Variants in SGCZ observed in about 807,000 individuals in gnomAD.
SGCZ encodes zeta-sarcoglycan.
In SGCZ, 40 loss-of-function variants were observed where a neutral mutation model predicts 41.3. That is an observed-to-expected ratio of 0.97 (90% CI 0.75 to 1.26). The LOEUF is 1.26. Among genes scored for constraint, SGCZ ranks in the 50% most tolerant of loss-of-function variants. SGCZ has a pLI of 0.00. For synonymous variants in SGCZ, 206 were observed against 137.5 expected (o/e 1.50, Z -3.49); for missense variants, 552 against 369.8 (o/e 1.49, Z -4.04).
chr8:14,362,222 T>C (rs1053292840), intron 2 of SGCZ, among the ~76,000 whole-genome samples: 2 of 152,206 alleles, frequency 1.3e-5, no homozygotes, highest in Non-Finnish European at 2.9e-5. Context: ...TCCTCAGAGC[T>C]GTCAGGCAGG....
chr8:14,683,183 TA>T (rs1478975823), intron 1 of SGCZ, among the ~76,000 whole-genome samples: 2 of 152,132 alleles, frequency 1.3e-5, no homozygotes, highest in African/African-American at 4.8e-5. Context: ...AAAATATGCC[TA>T]AATACTAATA....
chr8:14,282,847 CTT>C (rs1168778028), intron 3 of SGCZ, among the ~76,000 whole-genome samples: 2,745 of 89,842 alleles, frequency 0.031, 54 homozygotes, highest in African/African-American at 0.12. Context: ...CTTTCAAATA[CTT>C]TTTTTTTTTT....
chr8:14,523,026 C>G (rs1802836371), intron 2 of SGCZ, among the ~76,000 whole-genome samples: 1 of 152,032 alleles, frequency 6.6e-6, no homozygotes, highest in Non-Finnish European at 1.5e-5. Flanking sequence ...TTACCACATT[C>G]TACTACTGTC....
chr8:15,035,820 C>A (rs1355507850), intron 1 of SGCZ, among the ~76,000 whole-genome samples: 1 of 151,944 alleles, frequency 6.6e-6, no homozygotes, highest in Non-Finnish European at 1.5e-5. Flanking sequence ...AATATTGGAG[C>A]ACCTAAATAT....
chr8:14,500,891 C>G (rs1326037011), intron 2 of SGCZ, among the ~76,000 whole-genome samples: 3 of 151,696 alleles, frequency 2.0e-5, no homozygotes, highest in African/African-American at 4.8e-5. Context: ...AGGAAAAAAA[C>G]ACATATTTAA....
rs752574464 is a variant in SGCZ at position 14,102,423 on chromosome 8, T to C, written c.697A>G (p.Lys233Glu). 3.9e-6 allele frequency: 6 copies of C among 1,533,538 alleles called. No homozygotes were observed. The African/African-American group carries it at 8.3e-5, about 21-fold the overall frequency. The allele number at this position is 1,533,538 out of a possible 1,614,324, so 95.0% of individuals were successfully genotyped here. ...TGGAGCTCCTTCCTGCAGGTGGCCTTGAAGTCTCCTGCAGCAGCACTCACC... is the reference window on the plus strand; with the variant it reads ...TGGAGCTCCTTCCTGCAGGTGGCCTCGAAGTCTCCTGCAGCAGCACTCACC... ...VQVSAAAGDF[K>E]ATCRKELHLQ... Residue 233 changes from lysine to glutamate, a missense_variant, in exon 7 of 8, where the codon AAG (lysine) becomes GAG (glutamate). By Grantham distance (56) the Lys-to-Glu change is moderately conservative. Coordinates refer to ENST00000382080, the MANE Select transcript of SGCZ (RefSeq NM_139167.4).
intron 1 of SGCZ, among the ~76,000 whole-genome samples, chr8:14,599,136 C>T (rs1054896381): frequency 5.3e-5 from 8 of 152,166 alleles, no homozygotes; most frequent in African/African-American, 1.9e-4. Flanking sequence ...CTCCGTACAT[C>T]AATTTCAGAC....
At chr8:15,060,436 G>T (rs574355931) in intron 1 of SGCZ, among the ~76,000 whole-genome samples, 1 of 144,318 alleles carries the variant, frequency 6.9e-6, no homozygotes, top group Non-Finnish European at 1.5e-5. Flanking sequence ...ACCAAACACC[G>T]CACGTTCTCA....
chr8:15,028,471 G>T (rs73205408), intron 1 of SGCZ, among the ~76,000 whole-genome samples: 1,950 of 112,902 alleles, frequency 0.017, 25 homozygotes, highest in South Asian at 0.046. Flanking sequence ...GAACACCATC[G>T]TCTAAGTTGA....
chr8:14,214,853 T>C (rs572386470), intron 4 of SGCZ, among the ~76,000 whole-genome samples: 1 of 152,172 alleles, frequency 6.6e-6, no homozygotes, highest in South Asian at 2.1e-4. Flanking sequence ...ATAACAAATC[T>C]TCACAATATA....
chr8:14,712,300 G>A (rs1019964607), intron 1 of SGCZ, among the ~76,000 whole-genome samples: 2 of 152,196 alleles, frequency 1.3e-5, no homozygotes, highest in Non-Finnish European at 2.9e-5. Flanking sequence ...CCTGGTTGAT[G>A]AAATGCTGTC....
chr8:14,761,531 A>ATTT (rs1293472620), intron 1 of SGCZ, among the ~76,000 whole-genome samples: 2 of 139,584 alleles, frequency 1.4e-5, no homozygotes, highest in Non-Finnish European at 3.1e-5. Context: ...TTATTTATTT[A>ATTT]TTTATTTATT....
intron 1 of SGCZ, among the ~76,000 whole-genome samples, chr8:14,985,860 C>A (rs1230061550): frequency 6.6e-6 from 1 of 152,218 alleles, no homozygotes; most frequent in Admixed American, 6.5e-5. Flanking sequence ...AGTCAAAAGG[C>A]AAATGCCTTG....
intron 4 of SGCZ, among the ~76,000 whole-genome samples, chr8:14,180,189 A>G (rs1331732845): frequency 6.6e-6 from 1 of 152,176 alleles, no homozygotes; most frequent in East Asian, 1.9e-4. Context: ...AGTCTGTCAC[A>G]ATAAAAATCC....
intron 2 of SGCZ, among the ~76,000 whole-genome samples, chr8:14,435,179 G>T (rs543390086): frequency 6.6e-5 from 10 of 152,206 alleles, no homozygotes; most frequent in African/African-American, 2.4e-4. Context: ...CACCGATATG[G>T]ATTCTCAGGC....
At chr8:14,829,873 G>A (rs188878066) in intron 1 of SGCZ, among the ~76,000 whole-genome samples, 67 of 152,138 alleles carry the variant, frequency 4.4e-4, no homozygotes, top group African/African-American at 1.4e-3. Flanking sequence ...GTGCAGTGGC[G>A]CGATCTCGGC....
At chr8:14,587,542 T>C (rs1805100776) in intron 1 of SGCZ, among the ~76,000 whole-genome samples, 2 of 152,146 alleles carry the variant, frequency 1.3e-5, no homozygotes, top group South Asian at 4.1e-4. Context: ...ACAACTTGTT[T>C]ATATATTGTT....
At chr8:14,799,281 A>C (rs1432160957) in intron 1 of SGCZ, among the ~76,000 whole-genome samples, 2 of 152,116 alleles carry the variant, frequency 1.3e-5, no homozygotes, top group Non-Finnish European at 1.5e-5. Context: ...TAAACTTTTT[A>C]TTTTTCTATT....
intron 1 of SGCZ, among the ~76,000 whole-genome samples, chr8:14,809,257 A>T (rs1381181658): frequency 6.6e-6 from 1 of 152,096 alleles, no homozygotes; most frequent in Non-Finnish European, 1.5e-5. Flanking sequence ...TAAAAAAATA[A>T]AAATAAATAA....
Sources: allele counts gnomAD v4.1 joint callset (sites outside exome capture counted in the v4.1 genomes callset), GRCh38; gene constraint gnomAD v4.1.1; transcripts MANE v1.5; gene names NCBI Gene and HGNC (gene_info 2026-07-23, HGNC 2026-07-21).